PALLD: variants seen among roughly 807,000 people sequenced by gnomAD.
PALLD encodes the protein palladin, cytoskeletal associated protein, also known as palladin.
In PALLD, 61 loss-of-function variants were observed where a neutral mutation model predicts 123.5. The observed-to-expected ratio is 0.49, with a 90% CI of 0.40 to 0.61. The LOEUF is 0.61. PALLD is among the 20% of genes least tolerant of loss of function. The pLI is 0.00. For synonymous variants in PALLD, 465 were observed against 496.4 expected, an observed-to-expected ratio of 0.94 and a Z score of 0.84; for missense variants, 1,273 against 1,377.0, an observed-to-expected ratio of 0.92 and a Z score of 1.20.
chr4:168,630,853 G>A (rs1775733320), intron 2 of PALLD, among the ~76,000 whole-genome samples: 1 of 152,188 alleles, frequency 6.6e-6, no homozygotes, highest in Non-Finnish European at 1.5e-5. Context: ...TTGGCAAATA[G>A]CTAGGTCTTT....
intron 2 of PALLD, among the ~76,000 whole-genome samples, chr4:168,655,690 T>C (rs1778489066): frequency 6.6e-6 from 1 of 152,250 alleles, no homozygotes; most frequent in Non-Finnish European, 1.5e-5. Context: ...TCTTCTTCCA[T>C]TCAGTTTTCT....
At chr4:168,498,564 C>T (rs1761000041) in intron 1 of PALLD, among the ~76,000 whole-genome samples, 1 of 152,174 alleles carries the variant, frequency 6.6e-6, no homozygotes, top group Non-Finnish European at 1.5e-5. Flanking sequence ...ACTTCTTAAA[C>T]AATATGTGTG....
intron 10 of PALLD, among the ~76,000 whole-genome samples, chr4:168,737,811 G>A (rs1787911190): frequency 6.6e-6 from 1 of 152,216 alleles, no homozygotes; most frequent in East Asian, 1.9e-4. Flanking sequence ...CCCTTCCAAA[G>A]GGCGTAGCTT....
intron 10 of PALLD, chr4:168,755,674 A>T (rs7654287): frequency 0.17 from 25,556 of 152,238 alleles, 3,193 homozygotes; most frequent in African/African-American, 0.35. Context: ...AGCTGCATGA[A>T]GAATAGTCTG....
intron 10 of PALLD, among the ~76,000 whole-genome samples, chr4:168,831,717 C>G (rs1208185386): frequency 6.6e-6 from 1 of 152,048 alleles, no homozygotes; most frequent in Non-Finnish European, 1.5e-5. Flanking sequence ...ACTCTTTAGT[C>G]TGTAAAGGAA....
At chr4:168,874,139 A>G (rs1174935704) in intron 10 of PALLD, among the ~76,000 whole-genome samples, 1 of 152,226 alleles carries the variant, frequency 6.6e-6, no homozygotes. Flanking sequence ...TGAACCAGGC[A>G]CTGTGCCCAT....
At chr4:168,897,095 C>T (rs568470618) in intron 13 of PALLD, among the ~76,000 whole-genome samples, 7 of 152,132 alleles carry the variant, frequency 4.6e-5, no homozygotes, top group Admixed American at 1.3e-4. Context: ...CTTCCCAAAG[C>T]GCTGGGAATA....
intron 10 of PALLD, among the ~76,000 whole-genome samples, chr4:168,791,242 T>C (rs930110564): frequency 2.0e-5 from 3 of 152,218 alleles, no homozygotes; most frequent in Admixed American, 6.5e-5. Flanking sequence ...CTCTGCAGAA[T>C]AGTCCTTTCT....
chr4:168,581,701 A>G (rs1770296311), intron 2 of PALLD, among the ~76,000 whole-genome samples: 1 of 151,980 alleles, frequency 6.6e-6, no homozygotes. Context: ...ATTTTATCCC[A>G]TTTCTTAGGT....
intron 2 of PALLD, among the ~76,000 whole-genome samples, chr4:168,565,087 G>A (rs1768241158): frequency 6.6e-6 from 1 of 151,790 alleles, no homozygotes; most frequent in African/African-American, 2.4e-5. Context: ...CAGCTACTCA[G>A]GAGGCTGAGG....
chr4:168,658,335 A>C (rs1004015882), intron 2 of PALLD, among the ~76,000 whole-genome samples: 1 of 136,266 alleles, frequency 7.3e-6, no homozygotes, highest in African/African-American at 2.8e-5. Context: ...CTCAGGCTAG[A>C]GTGCAGTGGC....
chr4:168,814,242 G>A (rs1741595975), intron 10 of PALLD, among the ~76,000 whole-genome samples: 1 of 152,128 alleles, frequency 6.6e-6, no homozygotes, highest in Non-Finnish European at 1.5e-5. Flanking sequence ...AAAAATATAA[G>A]AACCAACTGT....
intron 10 of PALLD, among the ~76,000 whole-genome samples, chr4:168,841,088 A>G (rs888132381): frequency 1.3e-5 from 2 of 152,100 alleles, no homozygotes; most frequent in African/African-American, 4.8e-5. Flanking sequence ...TGACCTCGTG[A>G]TCCTCCTGCC....
chr4:168,843,223 C>T (rs1366954825), intron 10 of PALLD, among the ~76,000 whole-genome samples: 2 of 152,288 alleles, frequency 1.3e-5, no homozygotes, highest in East Asian at 1.9e-4. Flanking sequence ...ATTGGATATA[C>T]TCTAATTTGG....
intron 10 of PALLD, chr4:168,877,778 G>C: frequency 8.3e-7 from 1 of 1,199,532 alleles, no homozygotes; most frequent in Non-Finnish European, 1.0e-6. Flanking sequence ...GCAGGAGGCC[G>C]GCGCTCGGCA....
At chr4:168,771,322 T>A (rs1185569047) in intron 10 of PALLD, among the ~76,000 whole-genome samples, 1 of 152,170 alleles carries the variant, frequency 6.6e-6, no homozygotes, top group Non-Finnish European at 1.5e-5. Context: ...ATATTAAATA[T>A]TATACCTTAA....
chr4:168,637,245 C>T (rs1776432343), intron 2 of PALLD, among the ~76,000 whole-genome samples: 1 of 151,970 alleles, frequency 6.6e-6, no homozygotes, highest in African/African-American at 2.4e-5. Context: ...AGGGGCTTCT[C>T]CCTGAAGACG....
At chr4:168,805,306 TTAGTAACCATTCTCTTAAAGAA>T (rs1311917439) in intron 10 of PALLD, among the ~76,000 whole-genome samples, 7 of 152,316 alleles carry the variant, frequency 4.6e-5, no homozygotes, top group Non-Finnish European at 8.8e-5. Context: ...ATACGGTTTC[TTAGTAACCATTCTCTTAAAGAA>T]TGTGAGATTT....
Position 168,571,031 on chromosome 4 carries a change from T to G in PALLD, c.908+58619T>G, listed in dbSNP as rs113019268. Among the ~76,000 whole-genome samples, 1,199 of 152,290 alleles carry G rather than the reference T, an allele frequency of 7.9e-3. 8 individuals carry two copies. Among genetic ancestry groups the G allele is most frequent in the African/African-American group, 0.027 (1,123 of 41,570 alleles). On this transcript the variant is annotated intron_variant, in intron 2 of 21. Coordinates refer to ENST00000505667, the MANE Select transcript of PALLD (RefSeq NM_001166108.2). ...TTGATTTTTATTCTCTGGAGCTTAT[T>G]TCTTTGGCTCTCTTCTTTGAAAATA... is the stretch of plus-strand genomic sequence containing the variant.
Sources: gnomAD v4.1 joint callset for allele counts (sites outside exome capture counted in the v4.1 genomes callset) on GRCh38, gnomAD v4.1.1 for gene constraint, MANE v1.5 for transcripts, NCBI Gene and HGNC (gene_info 2026-07-23, HGNC 2026-07-21) for gene names.